FRY: variants seen among roughly 807,000 people sequenced by gnomAD.
The protein encoded by FRY is FRY microtubule binding protein.
Under a neutral mutation model 348.4 loss-of-function variants are expected in FRY, and 128 were observed. That is an observed-to-expected ratio of 0.37 (90% CI 0.32 to 0.43). The LOEUF (loss-of-function observed/expected upper bound fraction) is 0.43. Among genes scored for constraint, FRY ranks in the 20% least tolerant of loss-of-function variants. The pLI, the probability that FRY is intolerant of heterozygous loss-of-function variation, is 1.00. For missense variants in FRY, 2,736 were observed against 3,695.2 expected (o/e 0.74, Z 6.73); for synonymous variants, 1,370 against 1,374.7 (o/e 1.00, Z 0.08).
chr13:32,085,732 G>C, intron 2 of FRY: 1 of 376,144 alleles, frequency 2.7e-6, no homozygotes, highest in South Asian at 2.1e-5. Flanking sequence ...AAGTCAGCCT[G>C]GTGCTTCCTC....
chr13:32,261,426 G>A, intron 51 of FRY, 190 bp from the exon 52 acceptor site: 3 of 762,506 alleles, frequency 3.9e-6, no homozygotes, highest in African/African-American at 3.4e-5. Context: ...CTTCACATGA[G>A]TTTACATGAA....
At chr13:32,262,512 T>A (rs1185502075) in intron 53 of FRY, 37 bp downstream of exon 53, 1 of 1,507,242 alleles carries the variant, frequency 6.6e-7, no homozygotes, top group Non-Finnish European at 9.2e-7. Context: ...TGTACTTCCC[T>A]TAAAACCCTT....
chr13:32,261,728 G>C lies in FRY; in HGVS notation c.7529G>C (p.Ser2510Thr), dbSNP rs769465756. Residue 2510 changes from serine (S) to threonine (T), a missense_variant, in exon 52 of 61, where the codon AGC (serine) becomes ACC (threonine). Ser to Thr is a moderately conservative substitution (Grantham distance 58, BLOSUM62 1). Around this residue, in one of 9 missense-constraint regions of FRY, gnomAD observed 789 missense variants for 996.2 expected, o/e 0.79. Transcript: ENST00000542859. ...EERQLSGSTPSLNKMHHEDSD... is the reference protein window; with the variant it reads ...EERQLSGSTPTLNKMHHEDSD... ...CGCCAACTGTCAGGAAGCACTCCTA[G>C]CCTGAATAAAATGCACCATGAGGAC... 1 of 1,614,140 alleles carries C rather than the reference G, an allele frequency of 6.2e-7. No individual in the cohort carries two copies. The highest frequency in any genetic ancestry group is 8.5e-7 in the Non-Finnish European group (1 of 1,180,002).
At chr13:32,172,352 CATATTG>C (rs1882139373) in intron 18 of FRY, among the ~76,000 whole-genome samples, 1 of 152,012 alleles carries the variant, frequency 6.6e-6, no homozygotes, top group South Asian at 2.1e-4. Context: ...TATGGATGTA[CATATTG>C]ATATGGATAT....
intron 1 of FRY, 106 bp from the exon 2 acceptor site, chr13:32,078,728 A>T: frequency 3.4e-6 from 3 of 889,428 alleles, no homozygotes; most frequent in Non-Finnish European, 5.7e-6. Flanking sequence ...ATTAAGTGTG[A>T]CTTTCTTGAT....
intron 1 of FRY, among the ~76,000 whole-genome samples, chr13:32,035,405 C>T (rs1029916033): frequency 3.3e-5 from 5 of 152,144 alleles, no homozygotes; most frequent in South Asian, 2.1e-4. Flanking sequence ...TACTTTCTAG[C>T]AGCTTGGGAG....
intron 55 of FRY, 72 bp from the exon 56 acceptor site, chr13:32,274,770 T>A: frequency 1.3e-4 from 109 of 855,000 alleles, no homozygotes; most frequent in East Asian, 3.4e-4. Flanking sequence ...AAGCTACCCC[T>A]CCCCCAAAAT....
chr13:32,156,373 C>T (rs915118921), intron 15 of FRY, among the ~76,000 whole-genome samples: 9 of 151,932 alleles, frequency 5.9e-5, no homozygotes, highest in African/African-American at 1.7e-4. Context: ...TTTGGGAGGC[C>T]GAAACTCCAC....
chr13:32,037,116 C>G (rs939398979), intron 1 of FRY, among the ~76,000 whole-genome samples: 1 of 151,630 alleles, frequency 6.6e-6, no homozygotes, highest in African/African-American at 2.4e-5. Flanking sequence ...ATTTGAAAGA[C>G]CTTAAGTGTT....
chr13:32,265,293 C>T (rs1399592898), intron 53 of FRY, among the ~76,000 whole-genome samples, 157 bp from the exon 54 acceptor site: 1 of 152,196 alleles, frequency 6.6e-6, no homozygotes, highest in Non-Finnish European at 1.5e-5. Context: ...TTCCTGAGTC[C>T]AGCCTAGAAA....
chr13:32,263,607 GA>G (rs537348399), intron 53 of FRY, among the ~76,000 whole-genome samples: 1 of 152,144 alleles, frequency 6.6e-6, no homozygotes, highest in African/African-American at 2.4e-5. Context: ...AAATTTCATA[GA>G]AAAAAATCAC....
chr13:32,239,935 T>C lies in FRY; in HGVS notation c.6687+54T>C. The C allele has an allele frequency of 6.7e-7, 1 of 1,491,420 alleles. No individual in the cohort carries two copies. The highest frequency in any genetic ancestry group is 1.2e-5 in the South Asian group (1 of 86,290). The allele number at this position is 1,491,420 out of a possible 1,614,324, so 92.4% of individuals were successfully genotyped here. On this transcript the variant is annotated intron_variant, in intron 46 of 60. Transcript: ENST00000542859. This position sits in a 1 kb window ranked among gnomAD's most constrained non-coding sequence, Gnocchi z 4.3. ...CAGGGTCTCATTATGTTGCCCAGGC[T>C]GATCTCAACTCTTGGGCTCAAGCAG...
intron 7 of FRY, among the ~76,000 whole-genome samples, chr13:32,125,455 C>G (rs1215380785): frequency 1.3e-5 from 2 of 152,172 alleles, no homozygotes; most frequent in Non-Finnish European, 2.9e-5. Context: ...ACCCTACTTA[C>G]CCAGCTTCAT....
chr13:32,147,689 A>G, intron 12 of FRY, 150 bp from the exon 13 acceptor site: 1 of 700,400 alleles, frequency 1.4e-6, no homozygotes, highest in Non-Finnish European at 2.6e-6. Flanking sequence ...TCATAGAGTA[A>G]TTATGCTAAT....
At chr13:32,093,037 C>T (rs947927432) in intron 2 of FRY, among the ~76,000 whole-genome samples, 29 of 152,152 alleles carry the variant, frequency 1.9e-4, no homozygotes, top group African/African-American at 6.5e-4. Flanking sequence ...AACAGAATAG[C>T]ACAATGAACC....
At chr13:32,118,547 G>A (rs1053607385) in intron 4 of FRY, among the ~76,000 whole-genome samples, 16 of 152,082 alleles carry the variant, frequency 1.1e-4, no homozygotes, top group African/African-American at 3.9e-4. Flanking sequence ...TTGGGAGAGA[G>A]ATTAATAACT....
intron 41 of FRY, among the ~76,000 whole-genome samples, chr13:32,233,779 G>T (rs929282394): frequency 1.1e-4 from 17 of 152,180 alleles, no homozygotes; most frequent in African/African-American, 4.1e-4. Context: ...GTGAACCTAT[G>T]TTATGTTTCA....
chr13:32,181,270 T>C (rs1882690251), intron 23 of FRY, among the ~76,000 whole-genome samples: 1 of 151,892 alleles, frequency 6.6e-6, no homozygotes, highest in Non-Finnish European at 1.5e-5. Context: ...TAGTTATTGG[T>C]TAATTAATTA....
rs1204705855 is a variant in FRY, at chr13:32,209,621, G to A, written c.4312G>A (p.Ala1438Thr). ...DEVPGPEMENAWNALANNEKW... is the reference protein window; with the variant it reads ...DEVPGPEMENTWNALANNEKW... ...AGTTCCTGGGCCAGAAATGGAAAAT[G>A]CTTGGAATGCTTTAGCCAACAATGA... Residue 1438 changes from alanine (A) to threonine (T), a missense_variant, in exon 33 of 61, where the codon GCT becomes ACT. Ala to Thr is a moderately conservative substitution (Grantham distance 58). Around this residue, in one of 9 missense-constraint regions of FRY, gnomAD observed 794 missense variants for 977.0 expected, o/e 0.81. Coordinates refer to ENST00000542859, the MANE Select transcript of FRY (RefSeq NM_023037.3). The A allele has an allele frequency of 6.2e-7, 1 of 1,613,890 alleles. No individual in the cohort carries two copies. The highest frequency in any genetic ancestry group is 1.7e-5 in the Admixed American group (1 of 59,994).
Sources: gnomAD v4.1 joint callset for allele counts (sites outside exome capture counted in the v4.1 genomes callset) on GRCh38, gnomAD v4.1.1 for gene constraint, gnomAD v4.1.1 regional missense constraint, Gnocchi (gnomAD v3.1) non-coding constraint, MANE v1.5 for transcripts, NCBI Gene and HGNC (gene_info 2026-07-23, HGNC 2026-07-21) for gene names.